Variants in NDUFB6 observed in about 807,000 individuals in gnomAD.
The protein encoded by NDUFB6 is NADH:ubiquinone oxidoreductase subunit B6, also known as NADH dehydrogenase [ubiquinone] 1 beta subcomplex subunit 6.
NDUFB6 carries 23 observed loss-of-function variants against 17.5 expected under a neutral mutation model. That is an observed-to-expected ratio of 1.31 (90% CI 0.94 to 1.86). NDUFB6 has a LOEUF of 1.86. NDUFB6 is among the 40% of genes most tolerant of loss of function. NDUFB6 has a pLI of 0.00. For missense variants in NDUFB6, 167 were observed against 153.8 expected (o/e 1.09, Z -0.46); for synonymous variants, 60 against 53.5 (o/e 1.12, Z -0.53).
chr9:32,566,760 G>T, intron 2 of NDUFB6: 2 of 905,074 alleles, frequency 2.2e-6, no homozygotes, highest in East Asian at 2.5e-5. Context: ...CTCAGCCCGG[G>T]TGTCGGCTGC....
chr9:32,560,188 C>G (rs1168882676), intron 2 of NDUFB6, among the ~76,000 whole-genome samples: 1 of 152,146 alleles, frequency 6.6e-6, no homozygotes, highest in African/African-American at 2.4e-5. Context: ...AATCCTTTAC[C>G]TACCAAAATC....
At chr9:32,572,817 CAGT>C in intron 1 of NDUFB6, 61 bp downstream of exon 1, 1 of 1,423,096 alleles carries the variant, frequency 7.0e-7, no homozygotes, top group Non-Finnish European at 9.4e-7. Context: ...AGCGGACGTT[CAGT>C]GTTCAGGCTG....
At chr9:32,556,276 CAGTG>C (rs1194030143) in intron 3 of NDUFB6, among the ~76,000 whole-genome samples, 2 of 152,216 alleles carry the variant, frequency 1.3e-5, no homozygotes, top group Non-Finnish European at 2.9e-5. Context: ...GGGAAGATGA[CAGTG>C]AGTTTTAGCT....
At chr9:32,556,644 T>TA (rs1384223494) in intron 3 of NDUFB6, among the ~76,000 whole-genome samples, 1 of 152,176 alleles carries the variant, frequency 6.6e-6, no homozygotes, top group Non-Finnish European at 1.5e-5. Flanking sequence ...GGATCCCTGA[T>TA]ATGGTCTTCT....
In NDUFB6 at chr9:32,553,313, G is replaced by A. The variant is rs1224040538; in HGVS notation, c.*563C>T. ...ACACCAATCTCGTGCCTCAGCCTCCGCAGTAGCTGGGACTACAGGAGCCCG... is the reference window on the plus strand; with the variant it reads ...ACACCAATCTCGTGCCTCAGCCTCCACAGTAGCTGGGACTACAGGAGCCCG... On this transcript the variant is annotated 3_prime_UTR_variant, in exon 4 of 4. Coordinates refer to ENST00000379847, the MANE Select transcript of NDUFB6 (RefSeq NM_002493.5). 2.9e-5 allele frequency: 5 copies of A among 172,692 alleles called. No individual in the cohort carries two copies. The South Asian group carries it at 5.8e-4, about 20-fold the overall frequency. The allele number at this position is 172,692 out of a possible 1,614,324, so 10.7% of individuals were successfully genotyped here.
chr9:32,559,816 A>G (rs1052639099), intron 2 of NDUFB6, among the ~76,000 whole-genome samples: 1 of 152,196 alleles, frequency 6.6e-6, no homozygotes, highest in East Asian at 1.9e-4. Flanking sequence ...ACCAGTCTCT[A>G]AAACTAAACA....
Position 32,553,122 on chromosome 9 carries a change from C to CA in NDUFB6, c.*753dup. The stretch of plus-strand genomic sequence containing the variant: ...AAAATTAACAGCAACCTAAATCTGA[C>CA]AGTCTTGAGTGTCAGATCATAGTTG... On this transcript the variant is annotated 3_prime_UTR_variant, in exon 4 of 4. Transcript: ENST00000379847. 4.2e-6 allele frequency: 2 copies of CA among 473,856 alleles called. No homozygotes were observed. Among genetic ancestry groups the CA allele is most frequent in the South Asian group, 6.7e-5 (2 of 30,050 alleles). The allele number at this position is 473,856 out of a possible 1,614,324, so 29.4% of individuals were successfully genotyped here.
intron 1 of NDUFB6, among the ~76,000 whole-genome samples, chr9:32,572,113 C>G (rs1231889115): frequency 6.6e-6 from 1 of 152,150 alleles, no homozygotes; most frequent in Non-Finnish European, 1.5e-5. Flanking sequence ...TGTAAAACCC[C>G]CAGTAGAGTG....
In NDUFB6 at chr9:32,558,973, C is replaced by G. The variant is rs199908732; in HGVS notation, c.274-19G>C. 3.9e-6 allele frequency: 6 copies of G among 1,551,352 alleles called. No homozygotes were observed. The highest frequency in any genetic ancestry group is 5.3e-6 in the Non-Finnish European group (6 of 1,129,082). On this transcript the variant is annotated intron_variant, in intron 2 of 3. Coordinates refer to ENST00000379847, the MANE Select transcript of NDUFB6 (RefSeq NM_002493.5). Reference sequence around the variant, plus strand: ...GTTTTTCCTGTAATAAAAGTTAACTCTGTGTTAATTATGGTGTTAAGAGTT... The same window carrying G: ...GTTTTTCCTGTAATAAAAGTTAACTGTGTGTTAATTATGGTGTTAAGAGTT...
intron 3 of NDUFB6, among the ~76,000 whole-genome samples, chr9:32,555,376 C>G (rs1374602028): frequency 2.6e-5 from 4 of 152,190 alleles, no homozygotes; most frequent in African/African-American, 9.7e-5. Flanking sequence ...GGGACACAGC[C>G]CTATGGCAAA....
At chr9:32,568,947 C>T (rs1482034637) in intron 2 of NDUFB6, among the ~76,000 whole-genome samples, 1 of 151,682 alleles carries the variant, frequency 6.6e-6, no homozygotes, top group Non-Finnish European at 1.5e-5. Context: ...GACAGGGTCT[C>T]ACCATCTTGG....
At position 32,572,938 on chromosome 9, in the gene NDUFB6, C is replaced by A. The variant is rs1472102133; in HGVS notation, c.123G>T (p.Gly41=). 1 of 1,609,174 alleles carries A rather than the reference C, an allele frequency of 6.2e-7. No homozygotes were observed. Among genetic ancestry groups the A allele is most frequent in the South Asian group, 1.1e-5 (1 of 90,810 alleles). The part of the protein sequence containing the change: ...REPVLPPQKM[G]PMEKFWNKFL... ...ATTTATTCCAGAATTTCTCCATAGG[C>A]CCCATCTTCTGTGGGGGCAGCACCG... Residue 41 remains glycine (G), a synonymous_variant, in exon 1 of 4, where the codon GGG becomes GGT. Coordinates refer to ENST00000379847, the MANE Select transcript of NDUFB6 (RefSeq NM_002493.5).
intron 2 of NDUFB6, chr9:32,566,387 C>T: frequency 9.7e-7 from 1 of 1,030,490 alleles, no homozygotes; most frequent in South Asian, 1.3e-5. Flanking sequence ...ACTATGTGAT[C>T]CAGGTTCCAG....
rs1172018354 is a variant in NDUFB6 at position 32,570,993 on chromosome 9, C to T, written c.240G>A (p.Trp80Ter). 1.9e-6 allele frequency: 3 copies of T among 1,603,142 alleles called. No individual in the cohort carries two copies. In the South Asian group the frequency reaches 3.3e-5, roughly 18 times the overall value. The change falls in exon 2 of 4, where the codon TGG becomes TGA. Residue 80 changes from tryptophan (W) to a stop codon, truncating the protein, a stop_gained. Transcript: ENST00000379847. LOFTEE classifies it high-confidence loss of function. The stretch of plus-strand genomic sequence containing the variant: ...GATACTTCATGTAATAATGAATAAT[C>T]CAGACAGGTACAAGTACATGAGTGA... ...FVFTHVLVPV[W>*]IIHYYMKYHV...
In NDUFB6 at chr9:32,553,051, T is replaced by C. The variant is rs899097460; in HGVS notation, c.*825A>G. 5.6e-6 allele frequency: 3 copies of C among 531,886 alleles called. No homozygotes were observed. The highest frequency in any genetic ancestry group is 3.5e-5 in the Admixed American group (1 of 28,242). The allele number at this position is 531,886 out of a possible 1,614,324, so 32.9% of individuals were successfully genotyped here. On this transcript the variant is annotated 3_prime_UTR_variant, in exon 4 of 4. Transcript: ENST00000379847. ...TTATCCTTTATAACAAGCACTAGTA[T>C]GCAAATTTTTCACTTAGAGATTTTA...
At chr9:32,556,845 ACTT>A (rs1821469278) in intron 3 of NDUFB6, among the ~76,000 whole-genome samples, 2 of 94,760 alleles carry the variant, frequency 2.1e-5, no homozygotes, top group Admixed American at 2.3e-4. Context: ...GAAATCCCCT[ACTT>A]TTTTTTTTTT....
chr9:32,572,528 C>T (rs1374827649), intron 1 of NDUFB6, among the ~76,000 whole-genome samples: 1 of 152,140 alleles, frequency 6.6e-6, no homozygotes, highest in Admixed American at 6.5e-5. Context: ...GACAAGTGTC[C>T]TCAAATACTT....
At chr9:32,554,445 G>A (rs1033195050) in intron 3 of NDUFB6, among the ~76,000 whole-genome samples, 2 of 152,192 alleles carry the variant, frequency 1.3e-5, no homozygotes, top group African/African-American at 4.8e-5. Context: ...AAAAGGCATG[G>A]GCATTGAAGC....
intron 2 of NDUFB6, chr9:32,566,091 G>T: frequency 2.3e-6 from 1 of 430,510 alleles, no homozygotes. Flanking sequence ...AAAGGCACCT[G>T]TTAAAATTAT....
Sources: allele counts gnomAD v4.1 joint callset (sites outside exome capture counted in the v4.1 genomes callset), GRCh38; gene constraint gnomAD v4.1.1; transcripts MANE v1.5; gene names NCBI Gene and HGNC (gene_info 2026-07-23, HGNC 2026-07-21).